The following CHI3L2 variants were observed in gnomAD, a reference collection of about 807,000 sequenced individuals.
CHI3L2 encodes the protein chitinase-3-like protein 2.
CHI3L2 carries 47 observed loss-of-function variants against 47.3 expected under a neutral mutation model. The observed-to-expected ratio is 0.99, with a 90% confidence interval of 0.79 to 1.27. The LOEUF (loss-of-function observed/expected upper bound fraction) is 1.27. CHI3L2 is among the 50% of genes most tolerant of loss of function. CHI3L2 has a pLI of 0.00. For synonymous variants in CHI3L2, 198 were observed against 169.9 expected (o/e 1.17, Z -1.28); for missense variants, 497 against 462.1 (o/e 1.08, Z -0.69).
At chr1:111,231,139 C>G (rs561760783) in intron 3 of CHI3L2, 99 bp from the exon 4 acceptor site, 23 of 1,128,876 alleles carry the variant, frequency 2.0e-5, no homozygotes, top group Admixed American at 8.0e-5. Context: ...CAGCCAGGCC[C>G]TAATTGTCCA....
intron 10 of CHI3L2, among the ~76,000 whole-genome samples, 157 bp from the exon 11 acceptor site, chr1:111,243,060 C>T (rs926774186): frequency 6.6e-6 from 1 of 152,214 alleles, no homozygotes; most frequent in Non-Finnish European, 1.5e-5. Context: ...AAAAGACTGG[C>T]TCTGCTATCC....
intron 4 of CHI3L2, among the ~76,000 whole-genome samples, chr1:111,234,583 A>G (rs1287488688): frequency 6.6e-6 from 1 of 152,214 alleles, no homozygotes; most frequent in African/African-American, 2.4e-5. Context: ...CAGACACAGA[A>G]GCCCAAGATT....
At chr1:111,242,975 T>C (rs1353846128) in intron 10 of CHI3L2, among the ~76,000 whole-genome samples, 1 of 152,128 alleles carries the variant, frequency 6.6e-6, no homozygotes, top group Non-Finnish European at 1.5e-5. Flanking sequence ...GACCAAACAG[T>C]TATGCTGTGA....
At chr1:111,228,662 C>CT (rs1659600632) in intron 1 of CHI3L2, among the ~76,000 whole-genome samples, 1 of 152,224 alleles carries the variant, frequency 6.6e-6, no homozygotes. Flanking sequence ...CAGTAGAGCC[C>CT]TGTTTTCCAG....
At chr1:111,237,572 A>T (rs1659921268) in intron 7 of CHI3L2, among the ~76,000 whole-genome samples, 1 of 152,216 alleles carries the variant, frequency 6.6e-6, no homozygotes, top group Non-Finnish European at 1.5e-5. Context: ...GCTAAGTCAC[A>T]TCAGCCTCCT....
At chr1:111,227,890 C>T (rs938350091) in intron 1 of CHI3L2, 121 bp downstream of exon 1, 3 of 979,086 alleles carry the variant, frequency 3.1e-6, no homozygotes, top group African/African-American at 1.6e-5. Context: ...ACCTTAGTGT[C>T]AAAAAATTTC....
intron 4 of CHI3L2, among the ~76,000 whole-genome samples, chr1:111,234,326 A>G (rs994442260): frequency 3.3e-5 from 5 of 152,132 alleles, no homozygotes; most frequent in African/African-American, 1.2e-4. Context: ...AGCAAAGGCA[A>G]GTGAGGAAAT....
rs2255089 is a variant in CHI3L2, at chr1:111,230,946, G to C, written c.272+3G>C. 707,422 of 1,610,816 alleles carry C rather than the reference G, an allele frequency of 0.44. 158,389 individuals carry two copies. The highest frequency in any genetic ancestry group is 0.54 in the East Asian group (24,324 of 44,840). On this transcript the variant is annotated splice_donor_region_variant and intron_variant, in intron 3 of 10. Transcript: ENST00000369748. ...ACCATCAACAGTCTCAAAACCAAGT[G>C]AGTAAGATGGGGGTGGAAGCATCCT...
rs1557710969 is a variant in CHI3L2 at position 111,238,835 on chromosome 1, C to A, written c.821C>A (p.Thr274Lys). Residue 274 changes from threonine to lysine, a missense_variant, in exon 8 of 11, where the codon ACA becomes AAA. By Grantham distance (78) the Thr-to-Lys change is moderately conservative. Coordinates refer to ENST00000369748, the MANE Select transcript of CHI3L2 (RefSeq NM_004000.3). Reference protein sequence around the residue: ...MGIPTYGHSFTLASAETTVGA... With the variant: ...MGIPTYGHSFKLASAETTVGA... ...ATCCCCACATATGGGCACTCCTTCACACTGGCCTCTGCAGAAACCACCGTG... is the reference window on the plus strand; with the variant it reads ...ATCCCCACATATGGGCACTCCTTCAAACTGGCCTCTGCAGAAACCACCGTG... 6.2e-7 allele frequency: 1 copy of A among 1,614,062 alleles called. No homozygotes were observed. The highest frequency in any genetic ancestry group is 1.1e-5 in the South Asian group (1 of 91,052).
chr1:111,242,859 C>T (rs892099643), intron 10 of CHI3L2, among the ~76,000 whole-genome samples: 3 of 152,174 alleles, frequency 2.0e-5, no homozygotes, highest in Admixed American at 2.0e-4. Flanking sequence ...TTTACCCAAG[C>T]CTCCCTATTA....
chr1:111,237,279 A>G (rs926889780), intron 7 of CHI3L2, among the ~76,000 whole-genome samples: 1 of 152,234 alleles, frequency 6.6e-6, no homozygotes, highest in Non-Finnish European at 1.5e-5. Flanking sequence ...TAGAGACTAA[A>G]TTCCTCCCAA....
In CHI3L2 at chr1:111,243,339, T is replaced by C. The variant is rs1411510529; in HGVS notation, c.*125T>C. 1 of 440,096 alleles carries C rather than the reference T, an allele frequency of 2.3e-6. No homozygotes were observed. Among genetic ancestry groups the C allele is most frequent in the Non-Finnish European group, 4.6e-6 (1 of 218,272 alleles). The allele number at this position is 440,096 out of a possible 1,614,324, so 27.3% of individuals were successfully genotyped here. ...TTGGATCTCTCTTCCAAGCCTTTCC[T>C]GACTTCCTCTTAGATCATAGATTGG... On this transcript the variant is annotated 3_prime_UTR_variant, in exon 11 of 11. Coordinates refer to ENST00000369748, the MANE Select transcript of CHI3L2 (RefSeq NM_004000.3).
At chr1:111,238,610 CG>C in intron 7 of CHI3L2, 139 bp from the exon 8 acceptor site, 8 of 765,476 alleles carry the variant, frequency 1.0e-5, no homozygotes, top group South Asian at 1.8e-5. Context: ...CACTCTGGTC[CG>C]GGGGGTCTGG....
intron 4 of CHI3L2, among the ~76,000 whole-genome samples, chr1:111,234,165 G>A (rs1174414220): frequency 4.9e-5 from 7 of 141,858 alleles, no homozygotes; most frequent in Admixed American, 1.4e-4. Flanking sequence ...CCCCCTCTGC[G>A]AGAAACACCC....
chr1:111,243,437 G>C lies in CHI3L2; in HGVS notation c.*223G>C, dbSNP rs1416484952. ...AATAAAAAAAATTCATTTTGCTCCA[G>C]TAAGTATGGCCTCATTTATTCAGTC... On this transcript the variant is annotated 3_prime_UTR_variant, in exon 11 of 11. Transcript: ENST00000369748. 8.4e-6 allele frequency: 3 copies of C among 358,296 alleles called. No homozygotes were observed. The highest frequency in any genetic ancestry group is 6.4e-5 in the South Asian group (3 of 46,652). 22.2% of individuals were successfully genotyped at this position (358,296 alleles called of 1,614,324 possible). A position where few individuals can be genotyped will look rare whatever the true frequency, so the allele number is the denominator to read the frequency against.
chr1:111,235,553 T>C, intron 5 of CHI3L2, 86 bp from the exon 6 acceptor site: 3 of 1,461,828 alleles, frequency 2.1e-6, no homozygotes, highest in Non-Finnish European at 2.8e-6. Context: ...AATGTGGTTC[T>C]AGAAACCTCA....
chr1:111,231,245 A>C lies in CHI3L2; in HGVS notation c.280A>C (p.Lys94Gln). The change falls in exon 4 of 11, where the codon AAA (lysine) becomes CAA (glutamine). Residue 94 changes from lysine to glutamine, a missense_variant. Coordinates refer to ENST00000369748, the MANE Select transcript of CHI3L2 (RefSeq NM_004000.3). ...CTTATTCTTCTACTTCAGGAATCCC[A>C]AACTGAAAATTCTCTTGTCCATTGG... The part of the protein sequence containing the change: ...TINSLKTKNP[K>Q]LKILLSIGGY... 1.2e-6 allele frequency: 2 copies of C among 1,611,074 alleles called. No individual in the cohort carries two copies. Among genetic ancestry groups the C allele is most frequent in the Non-Finnish European group, 1.7e-6 (2 of 1,177,334 alleles).
intron 10 of CHI3L2, among the ~76,000 whole-genome samples, 195 bp from the exon 11 acceptor site, chr1:111,243,022 C>T (rs1007901921): frequency 4.6e-5 from 7 of 152,234 alleles, no homozygotes; most frequent in East Asian, 1.9e-4. Flanking sequence ...AGAAGCAGGG[C>T]GCTGGGGCTC....
rs1557709370 is a variant in CHI3L2, at chr1:111,235,708, GT to G, written c.551del (p.Val184AspfsTer7). ...TKERLLLTAG[V>X]SAGRQMIDNS... ...GGAAAGGCTTCTCTTGACTGCGGGC[GT>G]ATCTGCAGGGAGGCAAATGATTGAT... On this transcript the variant is annotated frameshift_variant, in exon 6 of 11. Coordinates refer to ENST00000369748, the MANE Select transcript of CHI3L2 (RefSeq NM_004000.3). LOFTEE classifies it high-confidence loss of function. 32 of 1,614,212 alleles carry G rather than the reference GT, an allele frequency of 2.0e-5. No individual in the cohort carries two copies. The highest frequency in any genetic ancestry group is 2.7e-5 in the Non-Finnish European group (32 of 1,180,012).
Sources: gnomAD v4.1 joint callset for allele counts (sites outside exome capture counted in the v4.1 genomes callset) on GRCh38, gnomAD v4.1.1 for gene constraint, MANE v1.5 for transcripts, NCBI Gene and HGNC (gene_info 2026-07-23, HGNC 2026-07-21) for gene names.